YIPF6: variants seen among roughly 807,000 people sequenced by gnomAD.
YIPF6 encodes the protein Yip1 domain family member 6.
YIPF6 carries 3 observed loss-of-function variants against 16.8 expected under a neutral mutation model. The observed-to-expected ratio is 0.18, with a 90% CI of 0.08 to 0.46. The LOEUF (loss-of-function observed/expected upper bound fraction) is 0.46. Ranked by LOEUF, YIPF6 falls within the 20% of genes least tolerant of loss-of-function variation. The pLI is 0.98. For missense variants in YIPF6, 145 were observed against 184.9 expected, an observed-to-expected ratio of 0.78 and a Z score of 1.25; for synonymous variants, 67 against 61.9, an observed-to-expected ratio of 1.08 and a Z score of -0.38.
At position 68,533,587 on chromosome X, in the gene YIPF6, A is replaced by C. The variant is rs1186164422; in HGVS notation, c.*1588A>C. 1.8e-5 allele frequency: 2 copies of C among 111,926 alleles called. No homozygotes were observed. The highest frequency in any genetic ancestry group is 5.6e-4 in the East Asian group (2 of 3,587). The allele number at this position is 111,926 out of a possible 1,213,427, so 9.2% of individuals were successfully genotyped here. On this transcript the variant is annotated 3_prime_UTR_variant, in exon 7 of 7. Coordinates refer to ENST00000462683, the MANE Select transcript of YIPF6 (RefSeq NM_173834.4). ...CATTAGCCAAGTGAATACAGGGCCA[A>C]ATGGGTTCTTGGAATGATAATAACA...
In YIPF6 at chrX:68,533,660, T is replaced by C. The variant is rs753370333; in HGVS notation, c.*1661T>C. On this transcript the variant is annotated 3_prime_UTR_variant, in exon 7 of 7. Coordinates refer to ENST00000462683, the MANE Select transcript of YIPF6 (RefSeq NM_173834.4). ...TTGGTTCCAGCCTTGTCCAGAGTTT[T>C]TGGTTATATATTTCTATTTATTACA... 1.8e-5 allele frequency: 2 copies of C among 111,817 alleles called. No individual in the cohort carries two copies. Among genetic ancestry groups the C allele is most frequent in the Non-Finnish European group, 3.8e-5 (2 of 53,172 alleles). The allele number at this position is 111,817 out of a possible 1,213,427, so 9.2% of individuals were successfully genotyped here.
chrX:68,516,613 G>T (rs2079103818), intron 3 of YIPF6, among the ~76,000 whole-genome samples: 1 of 111,809 alleles, frequency 8.9e-6, no homozygotes, highest in Non-Finnish European at 1.9e-5. Flanking sequence ...TTCCACAATG[G>T]TGTCAAAATT....
chrX:68,519,289 A>T (rs902149918), intron 4 of YIPF6, among the ~76,000 whole-genome samples: 2 of 111,141 alleles, frequency 1.8e-5, no homozygotes, highest in African/African-American at 3.3e-5. Context: ...AGAAGGTTAC[A>T]CTAGAGAGAT....
intron 3 of YIPF6, among the ~76,000 whole-genome samples, chrX:68,516,130 A>G (rs2079101684): frequency 9.0e-6 from 1 of 111,574 alleles, no homozygotes; most frequent in Non-Finnish European, 1.9e-5. Context: ...TCTCAAAAAA[A>G]CAAAAAACAA....
intron 1 of YIPF6, among the ~76,000 whole-genome samples, chrX:68,504,394 A>T (rs1460589387): frequency 2.7e-5 from 3 of 111,368 alleles, no homozygotes; most frequent in African/African-American, 6.5e-5. Flanking sequence ...TTGTGACTTA[A>T]AGCCCCAAAC....
intron 2 of YIPF6, among the ~76,000 whole-genome samples, chrX:68,512,830 A>AT (rs200742201): frequency 0.024 from 2,327 of 96,799 alleles, 22 homozygotes; most frequent in Middle Eastern, 0.1. Context: ...CAGTTTCTTG[A>AT]TTTTTTTTTT....
At chrX:68,503,767 G>A (rs1235503164) in intron 1 of YIPF6, among the ~76,000 whole-genome samples, 1 of 112,245 alleles carries the variant, frequency 8.9e-6, no homozygotes, top group Admixed American at 9.5e-5. Context: ...ACAAATTCAC[G>A]GGTTCCCACG....
chrX:68,499,564 C>T (rs1018856115), intron 1 of YIPF6, among the ~76,000 whole-genome samples: 3 of 111,978 alleles, frequency 2.7e-5, no homozygotes, highest in Non-Finnish European at 5.6e-5. Flanking sequence ...TTCAGTGACC[C>T]CAGTAGGCCA....
Position 68,499,077 on chromosome X carries a change from C to A in YIPF6, c.11C>A (p.Ala4Glu). Residue 4 changes from alanine to glutamate, a missense_variant, in exon 1 of 7, where the codon GCG becomes GAG. Coordinates refer to ENST00000462683, the MANE Select transcript of YIPF6 (RefSeq NM_173834.4). MAE[A>E]EESPGDPGTA... ...AGAAGGAGGGCCAAGATGGCGGAAG[C>A]GGAGGAGTCTCCAGGAGACCCGGGG... The A allele has an allele frequency of 2.5e-6, 3 of 1,188,735 alleles. No homozygotes were observed. Among genetic ancestry groups the A allele is most frequent in the Middle Eastern group, 2.4e-4 (1 of 4,224 alleles).
intron 4 of YIPF6, among the ~76,000 whole-genome samples, chrX:68,520,946 G>A (rs1422592186): frequency 9.0e-6 from 1 of 111,197 alleles, no homozygotes; most frequent in Non-Finnish European, 1.9e-5. Context: ...CAGGCTCAAT[G>A]TTAGAAAGTC....
chrX:68,521,185 T>G (rs2079124214), intron 4 of YIPF6, among the ~76,000 whole-genome samples, 187 bp from the exon 5 acceptor site: 1 of 111,622 alleles, frequency 9.0e-6, no homozygotes. Flanking sequence ...CCTGAGGCAT[T>G]TGGAATTTGC....
intron 1 of YIPF6, among the ~76,000 whole-genome samples, chrX:68,503,741 T>C (rs1300776620): frequency 8.9e-6 from 1 of 112,345 alleles, no homozygotes; most frequent in Non-Finnish European, 1.9e-5. Flanking sequence ...CCATCCTCAC[T>C]TCAGAGCAAG....
chrX:68,511,829 T>C lies in YIPF6; in HGVS notation c.58-20T>C. The C allele has an allele frequency of 2.5e-6, 3 of 1,188,016 alleles. No homozygotes were observed. Among genetic ancestry groups the C allele is most frequent in the Non-Finnish European group, 3.4e-6 (3 of 886,994 alleles). On this transcript the variant is annotated intron_variant, in intron 1 of 6. Coordinates refer to ENST00000462683, the MANE Select transcript of YIPF6 (RefSeq NM_173834.4). ...TACAGTTTATTACAGGCTTACTTTT[T>C]TTCCCCTGACTCTTCTCAGTTTGCA...
intron 4 of YIPF6, among the ~76,000 whole-genome samples, chrX:68,519,463 A>G (rs1251744439): frequency 9.0e-6 from 1 of 110,877 alleles, no homozygotes; most frequent in Non-Finnish European, 1.9e-5. Flanking sequence ...ACTTTCTCTT[A>G]TTTTAACCTC....
chrX:68,522,439 G>A (rs2079130192), intron 5 of YIPF6, among the ~76,000 whole-genome samples: 1 of 110,190 alleles, frequency 9.1e-6, no homozygotes, highest in Non-Finnish European at 1.9e-5. Flanking sequence ...TGGGATTACA[G>A]GTGCCTGCCA....
intron 5 of YIPF6, 108 bp downstream of exon 5, chrX:68,521,605 A>G (rs1327588383): frequency 2.3e-5 from 20 of 855,926 alleles, no homozygotes; most frequent in Non-Finnish European, 2.4e-5. Flanking sequence ...ACAGGGTGTC[A>G]CTCTGTCACC....
At chrX:68,531,008 T>G (rs1310761293) in intron 6 of YIPF6, among the ~76,000 whole-genome samples, 1 of 111,412 alleles carries the variant, frequency 9.0e-6, no homozygotes, top group Admixed American at 9.6e-5. Context: ...CGTAACATAT[T>G]GCAGCCTTGA....
intron 1 of YIPF6, chrX:68,510,823 G>C (rs1430481929): frequency 9.0e-6 from 1 of 111,379 alleles, no homozygotes; most frequent in African/African-American, 3.3e-5. Context: ...AGTAGAGATG[G>C]GATTTCTCCA....
At chrX:68,524,199 C>T (rs1343637145) in intron 6 of YIPF6, among the ~76,000 whole-genome samples, 1 of 111,051 alleles carries the variant, frequency 9.0e-6, no homozygotes, top group Non-Finnish European at 1.9e-5. Context: ...GACAGAGTCT[C>T]ACTCTGTCAC....
Sources: allele counts gnomAD v4.1 joint callset (sites outside exome capture counted in the v4.1 genomes callset), GRCh38; gene constraint gnomAD v4.1.1; transcripts MANE v1.5; gene names NCBI Gene and HGNC (gene_info 2026-07-23, HGNC 2026-07-21).